ARIH2: variants seen among roughly 807,000 people sequenced by gnomAD.
ARIH2 encodes the protein E3 ubiquitin-protein ligase ARIH2.
ARIH2 carries 12 observed loss-of-function variants against 79.8 expected under a neutral mutation model. That is an observed-to-expected ratio of 0.15 (90% CI 0.10 to 0.24). The LOEUF (loss-of-function observed/expected upper bound fraction) is 0.24. ARIH2 is among the 10% of genes least tolerant of loss of function. The pLI is 1.00. For synonymous variants in ARIH2, 224 were observed against 213.9 expected (o/e 1.05, Z -0.41); for missense variants, 301 against 618.3 (o/e 0.49, Z 5.44).
intron 3 of ARIH2, among the ~76,000 whole-genome samples, chr3:48,933,316 G>GGT (rs150441338): frequency 0.017 from 2,322 of 140,174 alleles, 54 homozygotes; most frequent in African/African-American, 0.05. Flanking sequence ...CATGCCCGGG[G>GGT]GTGTGTGTGT....
chr3:48,953,439 T>G (rs1304930701), intron 3 of ARIH2, among the ~76,000 whole-genome samples: 5 of 152,176 alleles, frequency 3.3e-5, no homozygotes, highest in African/African-American at 1.2e-4. Flanking sequence ...AGTCTCGCTC[T>G]GTCTCCCAGG....
At chr3:48,968,176 A>G (rs1185380323) in intron 6 of ARIH2, 1 of 218,622 alleles carries the variant, frequency 4.6e-6, no homozygotes, top group East Asian at 1.3e-4. Context: ...TTGGGATTAC[A>G]GGCATGTGCC....
chr3:48,978,415 TTGTGTATGTGTGTGTGTGTGTG>T (rs1285007165), intron 11 of ARIH2, among the ~76,000 whole-genome samples: 8 of 90,622 alleles, frequency 8.8e-5, no homozygotes, highest in South Asian at 1.1e-3. Flanking sequence ...CCTGGCTAAT[TTGTGTATGTGTGTGTGTGTGTG>T]TGTGTGTGTG....
intron 3 of ARIH2, among the ~76,000 whole-genome samples, chr3:48,939,640 C>G (rs1304401766): frequency 6.6e-6 from 1 of 150,852 alleles, no homozygotes; most frequent in Non-Finnish European, 1.5e-5. Context: ...CGCCTGTAGT[C>G]CCAGCTACTC....
intron 2 of ARIH2, among the ~76,000 whole-genome samples, chr3:48,926,466 C>T (rs1333319838): frequency 6.6e-6 from 1 of 151,762 alleles, no homozygotes; most frequent in Non-Finnish European, 1.5e-5. Flanking sequence ...GACAGGGTTT[C>T]ACCATATTAG....
chr3:48,953,321 A>C (rs1331286057), intron 3 of ARIH2, among the ~76,000 whole-genome samples: 2 of 152,212 alleles, frequency 1.3e-5, no homozygotes, highest in African/African-American at 4.8e-5. Context: ...ATAATCTGTG[A>C]ATTTTTAATT....
chr3:48,930,009 AAG>A (rs1286013266), intron 3 of ARIH2, among the ~76,000 whole-genome samples: 1 of 152,238 alleles, frequency 6.6e-6, no homozygotes, highest in African/African-American at 2.4e-5. Flanking sequence ...AAATGGAGCA[AAG>A]AGGAAAATAA....
chr3:48,932,104 G>C (rs1246243635), intron 3 of ARIH2, among the ~76,000 whole-genome samples: 1 of 152,126 alleles, frequency 6.6e-6, no homozygotes, highest in Non-Finnish European at 1.5e-5. Context: ...ATATGTTCTG[G>C]GACCAGTCTA....
At chr3:48,930,335 T>G (rs994533479) in intron 3 of ARIH2, among the ~76,000 whole-genome samples, 8 of 152,180 alleles carry the variant, frequency 5.3e-5, no homozygotes, top group African/African-American at 1.9e-4. Flanking sequence ...ATACAAAAAT[T>G]AGCTGAGCGT....
intron 9 of ARIH2, chr3:48,974,542 G>T: frequency 1.9e-6 from 1 of 522,420 alleles, no homozygotes; most frequent in South Asian, 2.2e-5. Context: ...GATTCAACTT[G>T]TGCTTAATCT....
At position 48,925,321 on chromosome 3, in the gene ARIH2, G is replaced by A. The variant is rs531329186; in HGVS notation, c.-97-2141G>A. ...GTAGAGACGGGGTTTCACCATGTTA[G>A]CCAGGATGGTCTCGATCTCCCGACC... On this transcript the variant is annotated intron_variant, in intron 2 of 15. Transcript: ENST00000356401. 9 of 151,342 alleles carry A rather than the reference G, an allele frequency of 5.9e-5. No individual in the cohort carries two copies. The South Asian group carries it at 1.7e-3, about 28-fold the overall frequency. 9.4% of individuals were successfully genotyped at this position (151,342 alleles called of 1,614,324 possible). A position where few individuals can be genotyped will look rare whatever the true frequency, so the allele number is the denominator to read the frequency against.
At chr3:48,926,242 CG>C (rs1161174378) in intron 2 of ARIH2, among the ~76,000 whole-genome samples, 2 of 148,062 alleles carry the variant, frequency 1.4e-5, no homozygotes, top group Non-Finnish European at 3.0e-5. Context: ...GAGTTTCCCT[CG>C]TGTGTGTGTG....
chr3:48,957,443 G>C (rs1484099099), intron 3 of ARIH2, among the ~76,000 whole-genome samples: 1 of 152,210 alleles, frequency 6.6e-6, no homozygotes, highest in Non-Finnish European at 1.5e-5. Context: ...GTGGATCTGT[G>C]AGTCAACCCT....
At chr3:48,923,523 GTTTT>G (rs772701634) in intron 2 of ARIH2, among the ~76,000 whole-genome samples, 1 of 139,090 alleles carries the variant, frequency 7.2e-6, no homozygotes, top group Admixed American at 7.3e-5. Flanking sequence ...TATAGTGAGT[GTTTT>G]TTTTTTTTTT....
rs1189451488 is a variant in ARIH2, at chr3:48,968,592, A to G, written c.597A>G (p.Pro199=). The G allele has an allele frequency of 1.2e-6, 2 of 1,611,906 alleles. No homozygotes were observed. The highest frequency in any genetic ancestry group is 1.1e-5 in the South Asian group (1 of 91,072). Residue 199 remains proline (P), a synonymous_variant, in exon 7 of 16, where the codon CCA becomes CCG. Coordinates refer to ENST00000356401, the MANE Select transcript of ARIH2 (RefSeq NM_006321.4). The part of the protein sequence containing the change: ...PLRTPEDFVF[P]LLPNEELREK... ...GTACACCAGAGGACTTTGTGTTTCC[A>G]TTGCTTCCCAATGAAGAATTGAGAG...
chr3:48,971,033 T>G (rs1346242688), intron 8 of ARIH2, among the ~76,000 whole-genome samples: 1 of 152,210 alleles, frequency 6.6e-6, no homozygotes, highest in Non-Finnish European at 1.5e-5. Flanking sequence ...AGATATAAAC[T>G]TGAACATTTT....
intron 15 of ARIH2, 108 bp from the exon 16 acceptor site, chr3:48,983,091 G>C: frequency 2.0e-6 from 3 of 1,504,492 alleles, no homozygotes; most frequent in Middle Eastern, 1.7e-4. Flanking sequence ...GAATGGGAAG[G>C]GCAGTGTTTT....
intron 3 of ARIH2, 59 bp from the exon 4 acceptor site, chr3:48,961,553 C>A (rs1201649911): frequency 1.3e-5 from 15 of 1,114,710 alleles, no homozygotes; most frequent in Non-Finnish European, 1.9e-5. Context: ...TCTCAAAATG[C>A]GAAACACTTT....
intron 3 of ARIH2, among the ~76,000 whole-genome samples, chr3:48,936,648 G>A (rs759459686): frequency 6.6e-6 from 1 of 152,090 alleles, no homozygotes; most frequent in Non-Finnish European, 1.5e-5. Flanking sequence ...CACGAGAATC[G>A]CTTGAACCTG....
Sources: allele counts gnomAD v4.1 joint callset (sites outside exome capture counted in the v4.1 genomes callset), GRCh38; gene constraint gnomAD v4.1.1; transcripts MANE v1.5; gene names NCBI Gene and HGNC (gene_info 2026-07-23, HGNC 2026-07-21).